LRFN2: variants seen among roughly 807,000 people sequenced by gnomAD.
LRFN2 encodes leucine-rich repeat and fibronectin type-III domain-containing protein 2.
In LRFN2, 18 loss-of-function variants were observed where a neutral mutation model predicts 37.3. That is an observed-to-expected ratio of 0.48 (90% CI 0.33 to 0.72). LRFN2 has a LOEUF of 0.72. Ranked by LOEUF, LRFN2 falls within the 30% of genes least tolerant of loss-of-function variation. LRFN2 has a pLI of 0.02. For synonymous variants in LRFN2, 556 were observed against 466.6 expected, an observed-to-expected ratio of 1.19 and a Z score of -2.47; for missense variants, 1,006 against 1,060.7, an observed-to-expected ratio of 0.95 and a Z score of 0.72.
chr6:40,530,593 G>A (rs146901676), intron 1 of LRFN2, among the ~76,000 whole-genome samples: 323 of 151,960 alleles, frequency 2.1e-3, no homozygotes, highest in African/African-American at 6.7e-3. Context: ...CTTCCTCAGA[G>A]GATTGCCCCT....
At chr6:40,549,177 G>A (rs1222910981) in intron 1 of LRFN2, among the ~76,000 whole-genome samples, 1 of 152,222 alleles carries the variant, frequency 6.6e-6, no homozygotes, top group East Asian at 1.9e-4. Flanking sequence ...AATGACATTG[G>A]TAGTCACAAC....
intron 2 of LRFN2, among the ~76,000 whole-genome samples, chr6:40,424,278 T>G (rs998204810): frequency 6.6e-6 from 1 of 151,988 alleles, no homozygotes; most frequent in Admixed American, 6.6e-5. Context: ...ACAGAGAAAA[T>G]CCCTGTGGAC....
chr6:40,448,147 C>G (rs1481557207), intron 1 of LRFN2, among the ~76,000 whole-genome samples: 1 of 152,104 alleles, frequency 6.6e-6, no homozygotes, highest in African/African-American at 2.4e-5. Flanking sequence ...AATCCTTCCT[C>G]CACTCACACC....
intron 1 of LRFN2, among the ~76,000 whole-genome samples, chr6:40,567,249 TC>T (rs1561910492): frequency 6.6e-6 from 1 of 152,156 alleles, no homozygotes; most frequent in African/African-American, 2.4e-5. Context: ...AAGGTCCTCT[TC>T]CCTGGATTCC....
At chr6:40,569,315 C>T (rs1477524537) in intron 1 of LRFN2, among the ~76,000 whole-genome samples, 2 of 152,128 alleles carry the variant, frequency 1.3e-5, no homozygotes, top group Non-Finnish European at 2.9e-5. Flanking sequence ...ACATTCGAGG[C>T]ATTTAGACCT....
chr6:40,533,590 A>G (rs1188072121), intron 1 of LRFN2, among the ~76,000 whole-genome samples: 2 of 152,200 alleles, frequency 1.3e-5, no homozygotes, highest in African/African-American at 4.8e-5. Flanking sequence ...AGACTCAGTC[A>G]GGTCAGCTCG....
intron 1 of LRFN2, among the ~76,000 whole-genome samples, chr6:40,536,087 T>C (rs115536968): frequency 0.013 from 2,035 of 151,856 alleles, 17 homozygotes; most frequent in Middle Eastern, 0.02. Context: ...TCACCGGAGG[T>C]TCTGCTTCAA....
At chr6:40,405,380 G>C (rs1242220326) in intron 2 of LRFN2, among the ~76,000 whole-genome samples, 1 of 152,152 alleles carries the variant, frequency 6.6e-6, no homozygotes, top group Non-Finnish European at 1.5e-5. Context: ...CTCTGTGTTT[G>C]CTTCCTAGAA....
intron 1 of LRFN2, among the ~76,000 whole-genome samples, chr6:40,553,010 C>G (rs1766804032): frequency 6.6e-6 from 1 of 152,222 alleles, no homozygotes; most frequent in Non-Finnish European, 1.5e-5. Context: ...GAAATTTGCA[C>G]TAGCTGATGC....
At chr6:40,425,970 C>T (rs375526046) in intron 2 of LRFN2, among the ~76,000 whole-genome samples, 1 of 152,168 alleles carries the variant, frequency 6.6e-6, no homozygotes, top group Non-Finnish European at 1.5e-5. Context: ...GCTCTTAGCT[C>T]TTTGGGGTTT....
Position 40,422,747 on chromosome 6 carries a change from T to C in LRFN2, c.1400+8967A>G, listed in dbSNP as rs1763257704. Among the ~76,000 whole-genome samples the C allele has an allele frequency of 1.3e-5, 2 of 152,198 alleles. 1 individual carries two copies. The highest frequency in any genetic ancestry group is 1.3e-4 in the Admixed American group (2 of 15,286). On this transcript the variant is annotated intron_variant, in intron 2 of 2. Transcript: ENST00000338305. The stretch of plus-strand genomic sequence containing the variant: ...AACCCCATCCCTCTGTAAGCCCTTT[T>C]TGGTGTTTTCCTGGTATGGAATAAA...
At chr6:40,406,417 A>G (rs2113801072) in intron 2 of LRFN2, among the ~76,000 whole-genome samples, 1 of 152,278 alleles carries the variant, frequency 6.6e-6, no homozygotes, top group Non-Finnish European at 1.5e-5. Flanking sequence ...CACTGGGGCC[A>G]GCCTGCCCGC....
At chr6:40,508,799 C>G (rs543661123) in intron 1 of LRFN2, among the ~76,000 whole-genome samples, 1 of 152,210 alleles carries the variant, frequency 6.6e-6, no homozygotes, top group Non-Finnish European at 1.5e-5. Flanking sequence ...GAAGCAGAGT[C>G]TTACCCGAAG....
In LRFN2 at chr6:40,424,062, A is replaced by G. The variant is rs187094178; in HGVS notation, c.1400+7652T>C. Among the ~76,000 whole-genome samples, 61 of 152,314 alleles carry G rather than the reference A, an allele frequency of 4.0e-4. 1 individual carries two copies. The highest frequency in any genetic ancestry group is 2.6e-4 in the Admixed American group (4 of 15,298). On this transcript the variant is annotated intron_variant, in intron 2 of 2. Transcript: ENST00000338305. ...CACTACCCTGGACTTCTGACTCCAG[A>G]GTCATCTTTTTCTGTGATGCCTCTA...
intron 1 of LRFN2, among the ~76,000 whole-genome samples, chr6:40,500,099 A>C (rs1015133900): frequency 1.3e-5 from 2 of 152,200 alleles, no homozygotes; most frequent in Non-Finnish European, 2.9e-5. Flanking sequence ...AGCCTCCACG[A>C]CTGCAGACAG....
At chr6:40,531,892 C>T (rs1391804573) in intron 1 of LRFN2, among the ~76,000 whole-genome samples, 1 of 152,188 alleles carries the variant, frequency 6.6e-6, no homozygotes, top group Non-Finnish European at 1.5e-5. Flanking sequence ...CACTTTCTGT[C>T]CAAGAACCCC....
intron 1 of LRFN2, among the ~76,000 whole-genome samples, chr6:40,568,015 C>T (rs898112962): frequency 2.0e-5 from 3 of 152,202 alleles, no homozygotes; most frequent in South Asian, 2.1e-4. Context: ...ACCCCCAAAA[C>T]GTACAAACAA....
At position 40,538,264 on chromosome 6, in the gene LRFN2, G is replaced by A. The variant is rs139411993; in HGVS notation, c.-19+48677C>T. On this transcript the variant is annotated intron_variant, in intron 1 of 2. Coordinates refer to ENST00000338305, the MANE Select transcript of LRFN2 (RefSeq NM_020737.3). ...AGAAGGAGGAAGATTGGGGCTCGGC[G>A]GAGTGATGGGAAGCCCCAGAGCCAA... 3.3e-3 allele frequency among the ~76,000 whole-genome samples: 506 copies of A among 152,222 alleles called. 9 individuals carry two copies. Among genetic ancestry groups the A allele is most frequent in the African/African-American group, 0.011 (454 of 41,518 alleles).
intron 1 of LRFN2, among the ~76,000 whole-genome samples, chr6:40,555,279 G>T (rs1214014593): frequency 6.6e-6 from 1 of 152,212 alleles, no homozygotes; most frequent in Non-Finnish European, 1.5e-5. Flanking sequence ...GAGAGGTGAA[G>T]GCTGGGCCCT....
Sources: allele counts gnomAD v4.1 joint callset (sites outside exome capture counted in the v4.1 genomes callset), GRCh38; gene constraint gnomAD v4.1.1; transcripts MANE v1.5; gene names NCBI Gene and HGNC (gene_info 2026-07-23, HGNC 2026-07-21).